Variants in CREBBP observed in about 807,000 individuals in gnomAD.
CREBBP encodes the protein CREB binding lysine acetyltransferase, also known as CREB-binding protein.
In CREBBP, 19 loss-of-function variants were observed where a neutral mutation model predicts 265.0. That is an observed-to-expected ratio of 0.07 (90% CI 0.05 to 0.11). The LOEUF (loss-of-function observed/expected upper bound fraction) is 0.11. Ranked by LOEUF, CREBBP falls within the 10% of genes least tolerant of loss-of-function variation. The pLI is 1.00. For synonymous variants in CREBBP, 1,457 were observed against 1,223.7 expected (o/e 1.19, Z -3.98); for missense variants, 2,525 against 3,219.0 (o/e 0.78, Z 5.22).
At chr16:3,876,415 A>C (rs1004469402) in intron 1 of CREBBP, among the ~76,000 whole-genome samples, 6 of 150,468 alleles carry the variant, frequency 4.0e-5, no homozygotes, top group Non-Finnish European at 7.4e-5. Context: ...AAAAAAAAAA[A>C]AAAAAAAAAA....
At chr16:3,878,322 C>A (rs561808604) in intron 1 of CREBBP, among the ~76,000 whole-genome samples, 2 of 152,312 alleles carry the variant, frequency 1.3e-5, no homozygotes, top group South Asian at 4.1e-4. Context: ...TTTCTCACTT[C>A]AATAAGTTCA....
rs2053202098 is a variant in CREBBP, at chr16:3,778,684, G to A, written c.1941+16C>T. 1 of 1,594,820 alleles carries A rather than the reference G, an allele frequency of 6.3e-7. No homozygotes were observed. On this transcript the variant is annotated intron_variant, in intron 9 of 30. Transcript: ENST00000262367. The stretch of plus-strand genomic sequence containing the variant: ...CAGATGCTGTAGAGGCCAGAGCACG[G>A]TAAACAGCAACCTACCCTGCTGTTG...
At chr16:3,785,866 C>T (rs1196723632) in intron 5 of CREBBP, among the ~76,000 whole-genome samples, 1 of 152,202 alleles carries the variant, frequency 6.6e-6, no homozygotes, top group Non-Finnish European at 1.5e-5. Flanking sequence ...CTGGGTTCTT[C>T]TGGGCCCATC....
intron 7 of CREBBP, 34 bp downstream of exon 7, chr16:3,781,170 T>G (rs1273091881): frequency 6.4e-7 from 1 of 1,567,132 alleles, no homozygotes; most frequent in Non-Finnish European, 8.8e-7. Flanking sequence ...ATGCTCCTGT[T>G]GGACTGTCAC....
At chr16:3,851,086 T>A in intron 1 of CREBBP, 77 bp from the exon 2 acceptor site, 2 of 1,260,910 alleles carry the variant, frequency 1.6e-6, no homozygotes, top group South Asian at 2.4e-5. Context: ...TCTATGATCT[T>A]AACCTAATGG....
chr16:3,736,355 C>A (rs1295620188), intron 27 of CREBBP, 152 bp from the exon 28 acceptor site: 2 of 857,308 alleles, frequency 2.3e-6, no homozygotes, highest in Non-Finnish European at 3.8e-6. Context: ...CAGACCCCCA[C>A]ACATGTGCAC....
chr16:3,742,406 C>T (rs1235704517), intron 23 of CREBBP: 1 of 152,202 alleles, frequency 6.6e-6, no homozygotes, highest in Non-Finnish European at 1.5e-5. Flanking sequence ...TTATAGGATA[C>T]ATGTGTGAAA....
chr16:3,746,957 C>CA (rs940320816), intron 21 of CREBBP, among the ~76,000 whole-genome samples: 15 of 152,010 alleles, frequency 9.9e-5, no homozygotes, highest in Non-Finnish European at 2.1e-4. Flanking sequence ...AAACAACAAA[C>CA]AAAATCCAAA....
chr16:3,796,601 G>A (rs1005846734), intron 3 of CREBBP, among the ~76,000 whole-genome samples: 5 of 151,894 alleles, frequency 3.3e-5, no homozygotes, highest in Non-Finnish European at 5.9e-5. Flanking sequence ...TGGCCAAGCT[G>A]GTCTTGAACT....
intron 1 of CREBBP, among the ~76,000 whole-genome samples, chr16:3,877,983 T>C (rs1353233098): frequency 1.3e-5 from 2 of 152,228 alleles, no homozygotes; most frequent in Non-Finnish European, 2.9e-5. Flanking sequence ...CATCTGATCA[T>C]CCAATAATGG....
chr16:3,814,193 GTGTT>G (rs1354635317), intron 2 of CREBBP, among the ~76,000 whole-genome samples: 1 of 148,948 alleles, frequency 6.7e-6, no homozygotes, highest in South Asian at 2.1e-4. Flanking sequence ...GTGTGTGTGT[GTGTT>G]TGAGACAGAG....
intron 26 of CREBBP, among the ~76,000 whole-genome samples, chr16:3,737,252 T>TCAGAAGGGAATGGGG (rs59086885): frequency 0.14 from 20,646 of 151,748 alleles, 3,929 homozygotes; most frequent in African/African-American, 0.42. Context: ...TTTTCAAGTT[T>TCAGAAGGGAATGGGG]CAGAAGGGAA....
At chr16:3,818,252 C>G (rs1232483319) in intron 2 of CREBBP, among the ~76,000 whole-genome samples, 1 of 151,506 alleles carries the variant, frequency 6.6e-6, no homozygotes, top group Non-Finnish European at 1.5e-5. Context: ...GCCAGGCCAT[C>G]AGAAACTCTC....
intron 13 of CREBBP, among the ~76,000 whole-genome samples, 170 bp from the exon 14 acceptor site, chr16:3,771,156 C>T (rs1225793910): frequency 6.6e-6 from 1 of 152,098 alleles, no homozygotes; most frequent in African/African-American, 2.4e-5. Context: ...GCAGCCTCCG[C>T]CTCCTGGGTT....
At chr16:3,858,573 G>T (rs753370493) in intron 1 of CREBBP, among the ~76,000 whole-genome samples, 2 of 152,212 alleles carry the variant, frequency 1.3e-5, no homozygotes, top group South Asian at 4.1e-4. Context: ...AAAATGCTTC[G>T]TATGTACTAG....
At chr16:3,872,454 G>GC (rs1438417445) in intron 1 of CREBBP, among the ~76,000 whole-genome samples, 1 of 152,122 alleles carries the variant, frequency 6.6e-6, no homozygotes, top group Non-Finnish European at 1.5e-5. Flanking sequence ...ACAGGCAAAA[G>GC]CCCCCACAGG....
chr16:3,767,615 G>C (rs188850591), intron 16 of CREBBP, 105 bp downstream of exon 16: 2 of 1,467,410 alleles, frequency 1.4e-6, no homozygotes, highest in African/African-American at 1.4e-5. Context: ...AAGGTAAAAG[G>C]GCAGATAGAA....
At chr16:3,797,579 A>G (rs1241798024) in intron 3 of CREBBP, among the ~76,000 whole-genome samples, 1 of 152,212 alleles carries the variant, frequency 6.6e-6, no homozygotes, top group Non-Finnish European at 1.5e-5. Context: ...ACACTGTAAT[A>G]AAAGCTACAT....
chr16:3,756,747 G>A (rs1444340579), intron 19 of CREBBP, among the ~76,000 whole-genome samples: 1 of 152,090 alleles, frequency 6.6e-6, no homozygotes, highest in Non-Finnish European at 1.5e-5. Flanking sequence ...CAAATTACCA[G>A]GCAAATATTT....
Sources: gnomAD v4.1 joint callset for allele counts (sites outside exome capture counted in the v4.1 genomes callset) on GRCh38, gnomAD v4.1.1 for gene constraint, MANE v1.5 for transcripts, NCBI Gene and HGNC (gene_info 2026-07-23, HGNC 2026-07-21) for gene names.